Variants in TBPL2 observed in about 807,000 individuals in gnomAD.
The protein encoded by TBPL2 is TATA-box binding protein like 2.
A neutral mutation model predicts 38.2 loss-of-function variants in TBPL2; 40 were observed. The ratio of observed to expected loss-of-function variants is 1.05; its 90% CI spans 0.81 to 1.36. TBPL2 has a LOEUF of 1.36. Among genes scored for constraint, TBPL2 ranks in the 40% most tolerant of loss-of-function variants. The pLI is 0.00. For missense variants in TBPL2, 461 were observed against 456.7 expected (o/e 1.01, Z -0.09); for synonymous variants, 169 against 171.7 (o/e 0.98, Z 0.12).
chr14:55,416,686 G>A (rs1357027406), intron 6 of TBPL2, among the ~76,000 whole-genome samples: 2 of 152,170 alleles, frequency 1.3e-5, no homozygotes, highest in Admixed American at 1.3e-4. Context: ...GTGAGTTGGT[G>A]AAGAAGCAAG....
chr14:55,420,068 T>G (rs1257320125), intron 6 of TBPL2, among the ~76,000 whole-genome samples: 3 of 152,132 alleles, frequency 2.0e-5, no homozygotes, highest in Non-Finnish European at 4.4e-5. Context: ...TTAAGGTTTT[T>G]TTTGTTTGTT....
At chr14:55,416,462 TAAAG>T (rs1885671422) in intron 6 of TBPL2, among the ~76,000 whole-genome samples, 2 of 152,040 alleles carry the variant, frequency 1.3e-5, no homozygotes, top group African/African-American at 2.4e-5. Context: ...AGAGAAAAAA[TAAAG>T]AGAAGAAAAG....
At chr14:55,440,466 G>C in exon 1 of TBPL2, 1 of 1,612,564 alleles carries the variant, frequency 6.2e-7, no homozygotes, top group Non-Finnish European at 8.5e-7. Context: ...TAATCCCACT[G>C]TTGGGGGTGG....
At chr14:55,422,889 A>G (rs1445565921) in intron 6 of TBPL2, among the ~76,000 whole-genome samples, 1 of 152,126 alleles carries the variant, frequency 6.6e-6, no homozygotes, top group Non-Finnish European at 1.5e-5. Flanking sequence ...CAATATATAT[A>G]GCAACCTTCT....
chr14:55,417,814 C>A (rs573994632), intron 6 of TBPL2, among the ~76,000 whole-genome samples: 1 of 152,282 alleles, frequency 6.6e-6, no homozygotes, highest in African/African-American at 2.4e-5. Flanking sequence ...CCATTCCTAA[C>A]CTTGGTGACT....
intron 1 of TBPL2, among the ~76,000 whole-genome samples, chr14:55,439,277 T>TC (rs1566596380): frequency 1.4e-5 from 1 of 70,370 alleles, no homozygotes; most frequent in African/African-American, 5.6e-5. Flanking sequence ...GTAATTAACT[T>TC]TAAAAAAAAA....
chr14:55,423,367 A>T (rs76052518), intron 6 of TBPL2, among the ~76,000 whole-genome samples: 11,213 of 152,344 alleles, frequency 0.074, 422 homozygotes, highest in Non-Finnish European at 0.085. Context: ...AACAAAATGG[A>T]CATAGCCTTA....
At chr14:55,435,316 C>T (rs1240941714) in intron 3 of TBPL2, among the ~76,000 whole-genome samples, 15 of 148,604 alleles carry the variant, frequency 1.0e-4, no homozygotes, top group African/African-American at 2.8e-4. Flanking sequence ...CTCGCTGTTA[C>T]CCAGGCTGGA....
chr14:55,426,858 A>T (rs1885832987), intron 5 of TBPL2, among the ~76,000 whole-genome samples: 1 of 152,244 alleles, frequency 6.6e-6, no homozygotes, highest in African/African-American at 2.4e-5. Context: ...GGTAGTAATA[A>T]CAAGGGGCAC....
At position 55,430,398 on chromosome 14, in the gene TBPL2, T is replaced by TA. The variant is rs370880582; in HGVS notation, c.789-1425dup. ...TAATGTTGATTCTCCTCACCCACTT[T>TA]AAAAAAAAAAAAAAAAAAAAAAAAA... On this transcript the variant is annotated intron_variant, in intron 4 of 6. Coordinates refer to ENST00000247219, the Ensembl canonical transcript of TBPL2. Among the ~76,000 whole-genome samples, 775 of 119,776 alleles carry TA rather than the reference T, an allele frequency of 6.5e-3. 4 individuals carry two copies. The highest frequency in any genetic ancestry group is 0.014 in the South Asian group (48 of 3,434). 78.6% of individuals were successfully genotyped at this position (119,776 alleles called of 152,430 possible). A position where few individuals can be genotyped will look rare whatever the true frequency, so the allele number is the denominator to read the frequency against.
In TBPL2 at chr14:55,435,840, A is replaced by C. The variant is rs776701638; in HGVS notation, c.696+7T>G. The stretch of plus-strand genomic sequence containing the variant: ...TAATTATTGGAAGGAATACTGAGAA[A>C]TGTTACCTTTGGGTTATATTCTGCA... On this transcript the variant is annotated splice_region_variant and intron_variant, in intron 3 of 6. Transcript: ENST00000247219. 6 of 1,544,052 alleles carry C rather than the reference A, an allele frequency of 3.9e-6. No individual in the cohort carries two copies. Among genetic ancestry groups the C allele is most frequent in the Non-Finnish European group, 5.2e-6 (6 of 1,147,402 alleles).
At chr14:55,431,666 A>C (rs1885927671) in intron 4 of TBPL2, among the ~76,000 whole-genome samples, 1 of 152,254 alleles carries the variant, frequency 6.6e-6, no homozygotes, top group Admixed American at 6.5e-5. Context: ...TGAAGAACTT[A>C]ATATGTAAAA....
In TBPL2 at chr14:55,428,119, CTTTTTTTTTTTTTTTTT is replaced by C. The variant is rs567342581; in HGVS notation, c.956+671_956+687del. ...GCCTAGTCCATTTCACATGCCTTATCTTTTTTTTTTTTTTTTTTTTTTTTTTTTGAGACGGAGTCTCG... is the reference window on the plus strand; with the variant it reads ...GCCTAGTCCATTTCACATGCCTTATCTTTTTTTTTTTGAGACGGAGTCTCG... On this transcript the variant is annotated intron_variant, in intron 5 of 6. Coordinates refer to ENST00000247219, the Ensembl canonical transcript of TBPL2. Among the ~76,000 whole-genome samples the C allele has an allele frequency of 1.2e-4, 5 of 43,362 alleles. No homozygotes were observed. The East Asian group carries it at 4.3e-3, about 37-fold the overall frequency. The allele number at this position is 43,362 out of a possible 152,430, so 28.4% of individuals were successfully genotyped here.
At chr14:55,428,519 C>T in intron 5 of TBPL2, among the ~76,000 whole-genome samples, 1 of 152,160 alleles carries the variant, frequency 6.6e-6, no homozygotes, top group South Asian at 2.1e-4. Context: ...TTTTTAGAAA[C>T]ACAAATTCTA....
intron 6 of TBPL2, among the ~76,000 whole-genome samples, chr14:55,416,147 T>C (rs1885665534): frequency 6.6e-6 from 1 of 152,132 alleles, no homozygotes; most frequent in Admixed American, 6.5e-5. Context: ...ATAGAAATGT[T>C]TTAGAACTAG....
chr14:55,435,978 A>G, intron 2 of TBPL2, 44 bp from the exon 3 acceptor site: 1 of 1,065,584 alleles, frequency 9.4e-7, no homozygotes, highest in African/African-American at 1.7e-5. Flanking sequence ...AGATATAAAG[A>G]GTAAAAAAAA....
chr14:55,434,547 T>G (rs1356599899), intron 3 of TBPL2, among the ~76,000 whole-genome samples: 2 of 145,750 alleles, frequency 1.4e-5, no homozygotes, highest in Non-Finnish European at 3.0e-5. Flanking sequence ...TCCCCAGCCC[T>G]GCCCACCCCT....
intron 6 of TBPL2, 75 bp downstream of exon 6, chr14:55,424,084 G>T: frequency 2.0e-6 from 2 of 1,006,810 alleles, no homozygotes; most frequent in Non-Finnish European, 3.1e-6. Context: ...GGTGAACAAA[G>T]GTATTTAAAA....
chr14:55,436,920 C>T lies in TBPL2; in HGVS notation c.249G>A (p.Ser83=), dbSNP rs139863893. 9.0e-5 allele frequency: 146 copies of T among 1,614,116 alleles called. No homozygotes were observed. The African/African-American group carries it at 1.6e-3, about 18-fold the overall frequency. Residue 83 remains serine (S), a synonymous_variant, in exon 2 of 7, where the codon TCG becomes TCA. Coordinates refer to ENST00000247219, the Ensembl canonical transcript of TBPL2. ...CAGATGTTTCTTTGACTTCAGGGTT[C>T]GAATTAAATGCAGTATCCGGATTGG...
Sources: allele counts gnomAD v4.1 joint callset (sites outside exome capture counted in the v4.1 genomes callset), GRCh38; gene constraint gnomAD v4.1.1; transcripts MANE v1.5; gene names NCBI Gene and HGNC (gene_info 2026-07-23, HGNC 2026-07-21).